Variants in RUNDC3B observed in about 807,000 individuals in gnomAD.
RUNDC3B encodes the protein RUN domain containing 3B.
A neutral mutation model predicts 58.4 loss-of-function variants in RUNDC3B; 33 were observed. The ratio of observed to expected loss-of-function variants is 0.56; its 90% CI spans 0.43 to 0.75. The LOEUF (loss-of-function observed/expected upper bound fraction) is 0.75. RUNDC3B is among the 30% of genes least tolerant of loss of function. RUNDC3B has a pLI of 0.00. For synonymous variants in RUNDC3B, 193 were observed against 195.2 expected (o/e 0.99, Z 0.10); for missense variants, 501 against 535.7 (o/e 0.94, Z 0.64).
intron 6 of RUNDC3B, among the ~76,000 whole-genome samples, chr7:87,768,911 C>CTT (rs1010692492): frequency 2.8e-5 from 4 of 145,072 alleles, no homozygotes; most frequent in Non-Finnish European, 6.1e-5. Flanking sequence ...TGAATGAACT[C>CTT]TTTTTTTTTT....
intron 2 of RUNDC3B, among the ~76,000 whole-genome samples, chr7:87,653,925 G>A (rs972876304): frequency 1.4e-4 from 22 of 151,874 alleles, no homozygotes; most frequent in Non-Finnish European, 2.8e-4. Context: ...TAGACTTTTG[G>A]TTCACATTGA....
Position 87,753,113 on chromosome 7 carries a change from G to T in RUNDC3B, c.629+11534G>T, listed in dbSNP as rs573245647. On this transcript the variant is annotated intron_variant, in intron 6 of 10. Transcript: ENST00000394654. ...GGTTTGAAAGAACATCTTTATTTCT[G>T]CCTTCATTTCGTTATGTACCCAGTA... is the stretch of plus-strand genomic sequence containing the variant. Among the ~76,000 whole-genome samples the T allele has an allele frequency of 5.3e-5, 8 of 152,034 alleles. No homozygotes were observed. In the South Asian group the frequency reaches 1.7e-3, roughly 32 times the overall value.
chr7:87,636,002 C>T (rs1188207041), intron 1 of RUNDC3B, among the ~76,000 whole-genome samples: 1 of 152,142 alleles, frequency 6.6e-6, no homozygotes, highest in Non-Finnish European at 1.5e-5. Flanking sequence ...CACTGACTGT[C>T]ATCTGAGTTG....
intron 6 of RUNDC3B, among the ~76,000 whole-genome samples, chr7:87,763,861 C>A (rs1833831304): frequency 6.6e-6 from 1 of 151,684 alleles, no homozygotes; most frequent in South Asian, 2.1e-4. Flanking sequence ...TTTCTTTTGG[C>A]AGAGGTATCT....
At chr7:87,753,377 A>C (rs1205818337) in intron 6 of RUNDC3B, among the ~76,000 whole-genome samples, 1 of 151,394 alleles carries the variant, frequency 6.6e-6, no homozygotes, top group Non-Finnish European at 1.5e-5. Flanking sequence ...AGTTCTGTAG[A>C]TGTCTATTAG....
At chr7:87,672,061 C>A (rs1006937300) in intron 2 of RUNDC3B, among the ~76,000 whole-genome samples, 21 of 152,106 alleles carry the variant, frequency 1.4e-4, no homozygotes, top group African/African-American at 5.1e-4. Flanking sequence ...CTCAGACTCT[C>A]CAAATCCCAA....
intron 2 of RUNDC3B, chr7:87,693,895 T>A: frequency 1.2e-6 from 2 of 1,603,746 alleles, no homozygotes; most frequent in Non-Finnish European, 1.7e-6. Context: ...TTGTTGTTAT[T>A]TTTTTTTTAA....
chr7:87,699,699 C>T (rs1253177610), intron 2 of RUNDC3B, among the ~76,000 whole-genome samples: 1 of 152,292 alleles, frequency 6.6e-6, no homozygotes, highest in East Asian at 1.9e-4. Context: ...AGCTACCATG[C>T]CCAACCATAG....
chr7:87,822,522 T>G (rs867546149), intron 10 of RUNDC3B, among the ~76,000 whole-genome samples: 67 of 152,238 alleles, frequency 4.4e-4, no homozygotes, highest in Middle Eastern at 6.8e-3. Flanking sequence ...ATTTGACCCA[T>G]CCATCCCATT....
chr7:87,739,612 T>C (rs1364556213), intron 4 of RUNDC3B, among the ~76,000 whole-genome samples, 179 bp from the exon 5 acceptor site: 1 of 152,064 alleles, frequency 6.6e-6, no homozygotes, highest in Non-Finnish European at 1.5e-5. Flanking sequence ...TGTTGTTTTG[T>C]CTCTTTATTT....
At chr7:87,739,402 AT>A (rs1446791524) in intron 4 of RUNDC3B, among the ~76,000 whole-genome samples, 2 of 152,172 alleles carry the variant, frequency 1.3e-5, no homozygotes, top group African/African-American at 2.4e-5. Context: ...AGTCTACTTC[AT>A]TTTGAAAATA....
chr7:87,667,989 G>T (rs1209851705), intron 2 of RUNDC3B, among the ~76,000 whole-genome samples: 1 of 152,008 alleles, frequency 6.6e-6, no homozygotes, highest in Non-Finnish European at 1.5e-5. Context: ...TTAAGATGAT[G>T]TTGGCCTTAG....
chr7:87,646,752 A>T (rs1053345340), intron 1 of RUNDC3B, among the ~76,000 whole-genome samples: 2 of 152,122 alleles, frequency 1.3e-5, no homozygotes, highest in Non-Finnish European at 2.9e-5. Context: ...GATTGGCAGC[A>T]TTATTCTTGT....
rs534171020 is a variant in RUNDC3B at position 87,769,330 on chromosome 7, C to A, written c.630-1251C>A. ...CCAGCCCCTTATATAATTGTCTTAA[C>A]TGGACCTGAACATCTGGGGTTTGGC... On this transcript the variant is annotated intron_variant, in intron 6 of 10. Coordinates refer to ENST00000394654, the MANE Select transcript of RUNDC3B (RefSeq NM_001134405.2). 4.6e-5 allele frequency among the ~76,000 whole-genome samples: 7 copies of A among 152,222 alleles called. No individual in the cohort carries two copies. In the South Asian group the frequency reaches 1.5e-3, roughly 32 times the overall value.
chr7:87,721,773 TTCTC>T (rs374594143), intron 4 of RUNDC3B, among the ~76,000 whole-genome samples: 13 of 148,734 alleles, frequency 8.7e-5, no homozygotes, highest in South Asian at 2.1e-4. Flanking sequence ...AACATTCTCT[TTCTC>T]TCTCTCTCTC....
intron 1 of RUNDC3B, among the ~76,000 whole-genome samples, chr7:87,648,999 T>C (rs1380756471): frequency 6.6e-6 from 1 of 152,162 alleles, no homozygotes; most frequent in Non-Finnish European, 1.5e-5. Flanking sequence ...AGCATAACTA[T>C]CAAGAGTAAA....
At chr7:87,710,186 A>T (rs1365045787) in intron 3 of RUNDC3B, among the ~76,000 whole-genome samples, 6 of 151,230 alleles carry the variant, frequency 4.0e-5, no homozygotes, top group Non-Finnish European at 8.9e-5. Flanking sequence ...ATGAGAGAGA[A>T]CTCTGTTTTT....
intron 8 of RUNDC3B, among the ~76,000 whole-genome samples, chr7:87,785,586 C>G (rs1835169310): frequency 6.6e-6 from 1 of 152,128 alleles, no homozygotes; most frequent in Non-Finnish European, 1.5e-5. Context: ...GCTCTGTGCA[C>G]CCTCTTACAG....
intron 6 of RUNDC3B, among the ~76,000 whole-genome samples, chr7:87,768,029 T>C (rs992422): frequency 0.14 from 21,963 of 152,188 alleles, 2,534 homozygotes; most frequent in African/African-American, 0.32. Flanking sequence ...TGCAGGAATG[T>C]TGCCACTCTG....
Sources: allele counts gnomAD v4.1 joint callset (sites outside exome capture counted in the v4.1 genomes callset), GRCh38; gene constraint gnomAD v4.1.1; transcripts MANE v1.5; gene names NCBI Gene and HGNC (gene_info 2026-07-23, HGNC 2026-07-21).